The following PDE8B variants were observed in gnomAD, a reference collection of about 807,000 sequenced individuals.
PDE8B encodes phosphodiesterase 8B.
Under a neutral mutation model 101.3 loss-of-function variants are expected in PDE8B, and 26 were observed. The observed-to-expected ratio is 0.26, with a 90% CI of 0.19 to 0.36. The LOEUF (loss-of-function observed/expected upper bound fraction) is 0.36, where lower values mean the gene tolerates loss of function less well. PDE8B is among the 10% of genes least tolerant of loss of function. The pLI, the probability that PDE8B is intolerant of heterozygous loss-of-function variation, is 1.00. For synonymous variants in PDE8B, 424 were observed against 429.3 expected (o/e 0.99, Z 0.15); for missense variants, 810 against 1,163.1 (o/e 0.70, Z 4.42).
At chr5:77,423,936 C>G (rs1416077321) in intron 20 of PDE8B, among the ~76,000 whole-genome samples, 1 of 151,016 alleles carries the variant, frequency 6.6e-6, no homozygotes, top group Non-Finnish European at 1.5e-5. Context: ...CGCACCCAGC[C>G]TGGACATTTT....
chr5:77,129,453 G>A, the PDE8B span, among the ~76,000 whole-genome samples: 102 of 152,088 alleles, frequency 6.7e-4, no homozygotes, highest in African/African-American at 2.0e-3. Context: ...GGTTTTTCTC[G>A]TCATTCCTGT....
In PDE8B at chr5:77,427,766, T is replaced by TC. The variant is rs1346801663; in HGVS notation, c.*1214dup. 1 of 152,242 alleles carries TC rather than the reference T, an allele frequency of 6.6e-6. No individual in the cohort carries two copies. The highest frequency in any genetic ancestry group is 2.4e-5 in the African/African-American group (1 of 41,462). The allele number at this position is 152,242 out of a possible 1,614,324, so 9.4% of individuals were successfully genotyped here. On this transcript the variant is annotated 3_prime_UTR_variant, in exon 22 of 22. Transcript: ENST00000264917. ...CTACATAAAGTCAGACTCGAGATTT[T>TC]CCTTTCTCTTTTACCAGCTGATCCT...
In PDE8B at chr5:77,426,612, G is replaced by A. The variant is rs1444949502; in HGVS notation, c.*58G>A. 2.3e-5 allele frequency: 20 copies of A among 863,784 alleles called. No individual in the cohort carries two copies. Among genetic ancestry groups the A allele is most frequent in the East Asian group, 2.0e-4 (8 of 40,404 alleles). The allele number at this position is 863,784 out of a possible 1,614,324, so 53.5% of individuals were successfully genotyped here. A position where few individuals can be genotyped will look rare whatever the true frequency, so the allele number is the denominator to read the frequency against. ...AAAGGACACTGTGAATCACAGTAGC[G>A]TAAACGAGAGGCCTTCCTTTCTAAT... On this transcript the variant is annotated 3_prime_UTR_variant, in exon 22 of 22. Transcript: ENST00000264917.
chr5:77,138,112 T>C, the PDE8B span, among the ~76,000 whole-genome samples: 2 of 152,228 alleles, frequency 1.3e-5, no homozygotes, highest in East Asian at 1.9e-4. Context: ...TAAAACTATT[T>C]ATCTGAACAT....
At position 77,329,031 on chromosome 5, in the gene PDE8B, G is replaced by A. The variant is rs137986191; in HGVS notation, c.624G>A (p.Thr208=). The change falls in exon 4 of 22, where the codon ACG becomes ACA. Residue 208 remains threonine, a synonymous_variant. Coordinates refer to ENST00000264917, the MANE Select transcript of PDE8B (RefSeq NM_003719.5). Reference sequence around the variant, plus strand: ...GGGCCACAAATCCCTCCGAGCACACGGTGATCCTCGCAGTGGTTTCGCGAG... The same window carrying A: ...GGGCCACAAATCCCTCCGAGCACACAGTGATCCTCGCAGTGGTTTCGCGAG... ...SIRATNPSEH[T]VILAVVSRVS... 3.7e-5 allele frequency: 59 copies of A among 1,614,006 alleles called. No individual in the cohort carries two copies. The highest frequency in any genetic ancestry group is 2.0e-4 in the African/African-American group (15 of 75,038).
chr5:77,118,291 A>G, the PDE8B span: 1 of 398,292 alleles, frequency 2.5e-6, no homozygotes, highest in Admixed American at 4.4e-5. Flanking sequence ...TCTAAATTTT[A>G]AGTTTTATTG....
At chr5:77,385,045 A>G (rs1318899524) in intron 10 of PDE8B, among the ~76,000 whole-genome samples, 1 of 152,160 alleles carries the variant, frequency 6.6e-6, no homozygotes. Flanking sequence ...TTTAGAATGA[A>G]TGGTACCAGC....
At chr5:77,111,448 G>A in the PDE8B span, among the ~76,000 whole-genome samples, 1 of 152,202 alleles carries the variant, frequency 6.6e-6, no homozygotes, top group East Asian at 1.9e-4. Flanking sequence ...ATGGAGGTGA[G>A]GTATTTTCAA....
In PDE8B at chr5:77,329,000, C is replaced by T. The variant is rs377536938; in HGVS notation, c.593C>T (p.Ser198Leu). 2.8e-4 allele frequency: 450 copies of T among 1,613,814 alleles called. 2 individuals are homozygous for T. The South Asian group carries it at 4.3e-3, about 15-fold the overall frequency. Residue 198 changes from serine (S) to leucine (L), a missense_variant and splice_region_variant, in exon 4 of 22, where the codon TCG (serine) becomes TTG (leucine). Around this residue, in one of 4 missense-constraint regions of PDE8B, gnomAD observed 251 missense variants for 378.8 expected, o/e 0.66. Coordinates refer to ENST00000264917, the MANE Select transcript of PDE8B (RefSeq NM_003719.5). ...QNFDAEAVCR[S>L]IRATNPSEHT... ...GACTTGGAGCCTTCTCATTGCAGGT[C>T]GATCCGGGCCACAAATCCCTCCGAG...
intron 5 of PDE8B, among the ~76,000 whole-genome samples, chr5:77,334,781 G>C (rs900594712): frequency 6.6e-6 from 1 of 152,146 alleles, no homozygotes; most frequent in South Asian, 2.1e-4. Context: ...ACTCTATATT[G>C]GGTTCACTAA....
intron 10 of PDE8B, among the ~76,000 whole-genome samples, chr5:77,362,755 G>A (rs938167559): frequency 3.3e-5 from 5 of 152,192 alleles, no homozygotes; most frequent in Non-Finnish European, 7.3e-5. Flanking sequence ...GACATGCCAG[G>A]CTTGGCCATG....
chr5:77,398,643 C>A (rs904323369), intron 10 of PDE8B, among the ~76,000 whole-genome samples: 3 of 152,216 alleles, frequency 2.0e-5, no homozygotes, highest in African/African-American at 7.2e-5. Flanking sequence ...TTTGTGTCTG[C>A]TGCTGGCTGG....
chr5:77,309,517 T>G (rs913539607), intron 1 of PDE8B, among the ~76,000 whole-genome samples: 5 of 151,904 alleles, frequency 3.3e-5, no homozygotes, highest in Non-Finnish European at 5.9e-5. Flanking sequence ...GTGGTCTTGT[T>G]GGAGGGGGCT....
At chr5:77,315,734 T>C (rs1344687811) in intron 2 of PDE8B, among the ~76,000 whole-genome samples, 2 of 152,204 alleles carry the variant, frequency 1.3e-5, no homozygotes, top group African/African-American at 2.4e-5. Flanking sequence ...GAGTCTGTGT[T>C]GTTAGGTGTA....
chr5:77,149,927 A>G, the PDE8B span, among the ~76,000 whole-genome samples: 1 of 152,202 alleles, frequency 6.6e-6, no homozygotes, highest in Non-Finnish European at 1.5e-5. Context: ...AGTTTCCTTG[A>G]GGAAATGAAA....
chr5:77,231,145 G>T (rs1005369178), intron 1 of PDE8B, among the ~76,000 whole-genome samples: 5 of 152,140 alleles, frequency 3.3e-5, no homozygotes, highest in Admixed American at 6.5e-5. Flanking sequence ...AAGAAATGGC[G>T]GTTAAAATAA....
chr5:77,403,216 T>A (rs1581508419), intron 11 of PDE8B, among the ~76,000 whole-genome samples: 1 of 152,210 alleles, frequency 6.6e-6, no homozygotes, highest in Non-Finnish European at 1.5e-5. Flanking sequence ...GACCGTGCGT[T>A]TTCAGTGTTA....
At chr5:77,356,769 A>G in intron 10 of PDE8B, among the ~76,000 whole-genome samples, 1 of 152,146 alleles carries the variant, frequency 6.6e-6, no homozygotes, top group South Asian at 2.1e-4. Context: ...TGTGGCTACT[A>G]GAAGTTTTAA....
intron 9 of PDE8B, among the ~76,000 whole-genome samples, chr5:77,352,659 G>A (rs560690236): frequency 2.9e-4 from 44 of 152,292 alleles, no homozygotes; most frequent in African/African-American, 1.0e-3. Context: ...GAGAGAGAGA[G>A]TGGGATACCC....
Sources: allele counts gnomAD v4.1 joint callset (sites outside exome capture counted in the v4.1 genomes callset), GRCh38; gene constraint gnomAD v4.1.1; regional missense constraint gnomAD v4.1.1; transcripts MANE v1.5; gene names NCBI Gene and HGNC (gene_info 2026-07-23, HGNC 2026-07-21).